Variants in ILDR2 observed in about 807,000 individuals in gnomAD.
ILDR2 encodes the protein immunoglobulin-like domain-containing receptor 2.
In ILDR2, 25 loss-of-function variants were observed where a neutral mutation model predicts 66.8. That is an observed-to-expected ratio of 0.37 (90% CI 0.27 to 0.52). The LOEUF (loss-of-function observed/expected upper bound fraction) is 0.52. Among genes scored for constraint, ILDR2 ranks in the 20% least tolerant of loss-of-function variants. ILDR2 has a pLI of 0.88. For missense variants in ILDR2, 827 were observed against 876.8 expected, an observed-to-expected ratio of 0.94 and a Z score of 0.72; for synonymous variants, 367 against 357.2, an observed-to-expected ratio of 1.03 and a Z score of -0.31.
rs1660986384 is a variant in ILDR2, at chr1:166,936,459, A to G, written c.703+132T>C. 1.4e-6 allele frequency: 2 copies of G among 1,380,336 alleles called. No individual in the cohort carries two copies. The highest frequency in any genetic ancestry group is 1.4e-5 in the African/African-American group (1 of 70,030). 85.5% of individuals were successfully genotyped at this position (1,380,336 alleles called of 1,614,324 possible). A position where few individuals can be genotyped will look rare whatever the true frequency, so the allele number is the denominator to read the frequency against. ...TGAGGCCAGGGGCACCCAGCGGAGA[A>G]GAGTCTGGAATGACCAATCTTGGGG... On this transcript the variant is annotated intron_variant, in intron 5 of 9. Transcript: ENST00000271417. The surrounding 1 kb of genome is among the most constrained non-coding windows in gnomAD (Gnocchi z 5.0).
At chr1:166,961,141 A>G (rs1466522434) in intron 1 of ILDR2, among the ~76,000 whole-genome samples, 1 of 152,206 alleles carries the variant, frequency 6.6e-6, no homozygotes, top group Non-Finnish European at 1.5e-5. Flanking sequence ...CAAGGAGTAC[A>G]TGTGCAGGTC....
At position 166,922,710 on chromosome 1, in the gene ILDR2, C is replaced by T. The variant is rs754131820; in HGVS notation, c.1094G>A (p.Gly365Glu). 6 of 1,614,088 alleles carry T rather than the reference C, an allele frequency of 3.7e-6. No homozygotes were observed. The East Asian group carries it at 6.7e-5, about 18-fold the overall frequency. The stretch of plus-strand genomic sequence containing the variant: ...ATAGTCAGGATTGCTCTCCAAGTCC[C>T]CAGACACAGGGAACTGCTTGCTTCT... Reference protein sequence around the residue: ...QMRSKQFPVSGDLESNPDYWS... With the variant: ...QMRSKQFPVSEDLESNPDYWS... The change falls in exon 8 of 10, where the codon GGG becomes GAG. Residue 365 changes from glycine to glutamate, a missense_variant. Around this residue, in one of 2 missense-constraint regions of ILDR2, gnomAD observed 437 missense variants for 523.2 expected, o/e 0.84. Coordinates refer to ENST00000271417, the MANE Select transcript of ILDR2 (RefSeq NM_199351.3).
chr1:166,940,282 A>C (rs1167279768), intron 3 of ILDR2, among the ~76,000 whole-genome samples: 1 of 152,218 alleles, frequency 6.6e-6, no homozygotes, highest in Admixed American at 6.5e-5. Context: ...GACTCTGGGA[A>C]GCAAAGAGCT....
chr1:166,966,964 G>A (rs765276820), intron 1 of ILDR2, among the ~76,000 whole-genome samples: 3 of 152,200 alleles, frequency 2.0e-5, no homozygotes, highest in Non-Finnish European at 4.4e-5. Flanking sequence ...CTGTCTATCA[G>A]GATGTTATGC....
intron 6 of ILDR2, among the ~76,000 whole-genome samples, chr1:166,932,952 G>C (rs2101894152): frequency 6.6e-6 from 1 of 152,232 alleles, no homozygotes; most frequent in South Asian, 2.1e-4. Context: ...TTTGCTAAAG[G>C]AGGACTAGCC....
chr1:166,970,416 T>C (rs1239441874), intron 1 of ILDR2, among the ~76,000 whole-genome samples: 2 of 152,198 alleles, frequency 1.3e-5, no homozygotes, highest in African/African-American at 4.8e-5. Flanking sequence ...TCTTTAGCTT[T>C]CATTTACAAC....
chr1:166,959,363 G>C (rs1037861396), intron 1 of ILDR2, among the ~76,000 whole-genome samples: 1 of 152,184 alleles, frequency 6.6e-6, no homozygotes, highest in African/African-American at 2.4e-5. Context: ...GCCCTGGCTT[G>C]TGAAGCCCAT....
chr1:166,944,609 T>A (rs1267829316), intron 3 of ILDR2, among the ~76,000 whole-genome samples: 1 of 152,230 alleles, frequency 6.6e-6, no homozygotes, highest in African/African-American at 2.4e-5. Flanking sequence ...TATGTCCTAG[T>A]GGCATTTCCC....
At chr1:166,897,079 T>C (rs560289618) in intron 2 of ILDR2, among the ~76,000 whole-genome samples, 1 of 152,340 alleles carries the variant, frequency 6.6e-6, no homozygotes, top group South Asian at 2.1e-4. Flanking sequence ...ATGATCATGT[T>C]GGGGCTTTAG....
At chr1:166,923,495 G>C in intron 7 of ILDR2, among the ~76,000 whole-genome samples, 1 of 152,204 alleles carries the variant, frequency 6.6e-6, no homozygotes, top group East Asian at 1.9e-4. Flanking sequence ...TCCAGCACTT[G>C]GGCAGACCTC....
At chr1:166,973,056 T>G (rs1037554142) in intron 1 of ILDR2, among the ~76,000 whole-genome samples, 2 of 152,070 alleles carry the variant, frequency 1.3e-5, no homozygotes, top group Admixed American at 1.3e-4. Context: ...CTGACAGCAG[T>G]GATGGGATGA....
In ILDR2 at chr1:166,936,292, A is replaced by C. The variant is rs1371845616; in HGVS notation, c.703+299T>G. ...CCCCAGGGAGAGGGAACAGTCTTAC[A>C]CCACAACCTCACCACGCCAAACCTG... On this transcript the variant is annotated intron_variant, in intron 5 of 9. Transcript: ENST00000271417. This position sits in a 1 kb window ranked among gnomAD's most constrained non-coding sequence, Gnocchi z 5.0. Among the ~76,000 whole-genome samples the C allele has an allele frequency of 2.0e-5, 3 of 152,192 alleles. No individual in the cohort carries two copies. Among genetic ancestry groups the C allele is most frequent in the Admixed American group, 6.5e-5 (1 of 15,278 alleles).
intron 6 of ILDR2, among the ~76,000 whole-genome samples, chr1:166,929,340 GTCTC>G (rs1660494960): frequency 6.6e-6 from 1 of 152,124 alleles, no homozygotes; most frequent in South Asian, 2.1e-4. Context: ...GAAAAGTTCT[GTCTC>G]TCTCTCTAAC....
intron 3 of ILDR2, among the ~76,000 whole-genome samples, chr1:166,946,219 T>C (rs1181680370): frequency 6.6e-6 from 1 of 152,248 alleles, no homozygotes; most frequent in Non-Finnish European, 1.5e-5. Flanking sequence ...TTATTCTATA[T>C]TCCCATGGTA....
At chr1:166,899,466 G>A (rs1208512127) in intron 2 of ILDR2, among the ~76,000 whole-genome samples, 1 of 152,126 alleles carries the variant, frequency 6.6e-6, no homozygotes, top group Non-Finnish European at 1.5e-5. Context: ...ACAGTCTGGG[G>A]GAATTTGAAC....
At chr1:166,930,143 G>T (rs753270471) in intron 6 of ILDR2, among the ~76,000 whole-genome samples, 7 of 152,172 alleles carry the variant, frequency 4.6e-5, no homozygotes, top group Non-Finnish European at 8.8e-5. Context: ...GAAGCAGCTG[G>T]AGGATCCTCA....
At position 166,921,305 on chromosome 1, in the gene ILDR2, T is replaced by C. The variant is rs1447926717; in HGVS notation, c.1286A>G (p.Glu429Gly). Residue 429 changes from glutamate to glycine, a missense_variant, in exon 9 of 10, where the codon GAG (glutamate) becomes GGG (glycine). Transcript: ENST00000271417. The surrounding 1 kb of genome is among the most constrained non-coding windows in gnomAD (Gnocchi z 5.3). Reference sequence around the variant, plus strand: ...GTAGGAGTCAGCGAAGGCCGCCAGCTCGTCCATGGAAACGGCCGGCACCCC... The same window carrying C: ...GTAGGAGTCAGCGAAGGCCGCCAGCCCGTCCATGGAAACGGCCGGCACCCC... ...ATGVPAVSMD[E>G]LAAFADSYGQ... The C allele has an allele frequency of 1.3e-6, 2 of 1,595,464 alleles. No homozygotes were observed. The highest frequency in any genetic ancestry group is 1.7e-6 in the Non-Finnish European group (2 of 1,168,638).
chr1:166,967,154 T>C (rs950944594), intron 1 of ILDR2, among the ~76,000 whole-genome samples: 3 of 152,200 alleles, frequency 2.0e-5, no homozygotes, highest in African/African-American at 4.8e-5. Flanking sequence ...GGAGAAGCGA[T>C]GTGTGTAACG....
intron 1 of ILDR2, among the ~76,000 whole-genome samples, chr1:166,974,677 ATCT>A (rs2102048240): frequency 6.6e-6 from 1 of 152,270 alleles, no homozygotes; most frequent in Non-Finnish European, 1.5e-5. Context: ...TTCCATCCCC[ATCT>A]TCTTCCCAAC....
Sources: allele counts gnomAD v4.1 joint callset (sites outside exome capture counted in the v4.1 genomes callset), GRCh38; gene constraint gnomAD v4.1.1; regional missense constraint gnomAD v4.1.1; non-coding constraint Gnocchi (gnomAD v3.1); transcripts MANE v1.5; gene names NCBI Gene and HGNC (gene_info 2026-07-23, HGNC 2026-07-21).